ALG14: variants seen among roughly 807,000 people sequenced by gnomAD.
ALG14 encodes ALG14 UDP-N-acetylglucosaminyltransferase subunit.
In ALG14, 17 loss-of-function variants were observed where a neutral mutation model predicts 22.8. The ratio of observed to expected loss-of-function variants is 0.75; its 90% CI spans 0.51 to 1.12. The LOEUF is 1.12. Ranked by LOEUF, ALG14 falls within the 50% of genes most tolerant of loss-of-function variation. The pLI is 0.00. For missense variants in ALG14, 288 were observed against 271.8 expected (o/e 1.06, Z -0.42); for synonymous variants, 89 against 103.7 (o/e 0.86, Z 0.86).
intron 3 of ALG14, among the ~76,000 whole-genome samples, chr1:94,996,134 T>A (rs1672904215): frequency 6.6e-6 from 1 of 152,222 alleles, no homozygotes; most frequent in Non-Finnish European, 1.5e-5. Flanking sequence ...TATGCTAGTG[T>A]TTCTCACACT....
chr1:95,029,251 T>C (rs1673921587), intron 2 of ALG14, among the ~76,000 whole-genome samples: 1 of 152,198 alleles, frequency 6.6e-6, no homozygotes, highest in Admixed American at 6.5e-5. Context: ...GTGTCCTTAG[T>C]TCCTTGCCAA....
intron 3 of ALG14, among the ~76,000 whole-genome samples, chr1:95,025,790 G>C (rs911877841): frequency 6.6e-6 from 1 of 152,186 alleles, no homozygotes; most frequent in African/African-American, 2.4e-5. Context: ...CAGAATTAAA[G>C]AGAATTAGGA....
chr1:95,010,586 T>C (rs1673334967), intron 3 of ALG14, among the ~76,000 whole-genome samples: 1 of 152,226 alleles, frequency 6.6e-6, no homozygotes, highest in Admixed American at 6.5e-5. Context: ...AACCTCACTT[T>C]GGCTTAAATG....
chr1:95,066,493 G>T (rs1385150524), intron 1 of ALG14, among the ~76,000 whole-genome samples: 1 of 152,066 alleles, frequency 6.6e-6, no homozygotes, highest in Non-Finnish European at 1.5e-5. Context: ...AAAGTACTGG[G>T]ATTACAGGCG....
intron 3 of ALG14, among the ~76,000 whole-genome samples, chr1:95,001,470 A>G (rs902319183): frequency 1.3e-5 from 2 of 152,110 alleles, no homozygotes; most frequent in African/African-American, 4.8e-5. Flanking sequence ...TGATAAAGTG[A>G]ATAATTTGAT....
chr1:94,994,681 G>T (rs1480306096), intron 3 of ALG14, among the ~76,000 whole-genome samples: 3 of 152,166 alleles, frequency 2.0e-5, no homozygotes, highest in Non-Finnish European at 4.4e-5. Context: ...TTAGGCCAGG[G>T]TTCTCCTCTC....
intron 3 of ALG14, among the ~76,000 whole-genome samples, chr1:95,019,002 TG>T (rs1229826835): frequency 9.2e-5 from 14 of 152,196 alleles, no homozygotes; most frequent in African/African-American, 3.4e-4. Context: ...TAGAGAAAAG[TG>T]ATTAGCCCAC....
Position 94,975,039 on chromosome 1 carries a change from C to A in ALG14, c.*8037G>T, listed in dbSNP as rs562178910. The A allele has an allele frequency of 2.7e-3, 404 of 152,354 alleles. 3 individuals are homozygous for A. Among genetic ancestry groups the A allele is most frequent in the African/African-American group, 9.1e-3 (379 of 41,578 alleles). 9.4% of individuals were successfully genotyped at this position (152,354 alleles called of 1,614,324 possible). On this transcript the variant is annotated 3_prime_UTR_variant, in exon 4 of 4. Transcript: ENST00000370205. Reference sequence around the variant, plus strand: ...GATACCATAAAATTCACCCAGTATACAATTCAGTGGCTTTTAGTATATTCA... The same window carrying A: ...GATACCATAAAATTCACCCAGTATAAAATTCAGTGGCTTTTAGTATATTCA...
At chr1:95,039,456 A>C (rs1674313113) in intron 2 of ALG14, among the ~76,000 whole-genome samples, 1 of 152,114 alleles carries the variant, frequency 6.6e-6, no homozygotes, top group African/African-American at 2.4e-5. Flanking sequence ...AGCAGTGAGA[A>C]GGGAGATTTA....
chr1:95,047,070 C>G (rs1674586231), intron 2 of ALG14, among the ~76,000 whole-genome samples: 1 of 152,030 alleles, frequency 6.6e-6, no homozygotes, highest in Admixed American at 6.6e-5. Context: ...GGAAAGTTAT[C>G]AAGGTACAGA....
Position 94,976,178 on chromosome 1 carries a change from A to G in ALG14, c.*6898T>C, listed in dbSNP as rs1275362002. ...ATCATCTGAATGTTTAGTGCTCCCT[A>G]CAACTCTAACGCAGGTACATTATGC... On this transcript the variant is annotated 3_prime_UTR_variant, in exon 4 of 4. Transcript: ENST00000370205. The G allele has an allele frequency of 3.3e-5, 5 of 152,086 alleles. No homozygotes were observed. Among genetic ancestry groups the G allele is most frequent in the Non-Finnish European group, 5.9e-5 (4 of 68,034 alleles). The allele number at this position is 152,086 out of a possible 1,614,324, so 9.4% of individuals were successfully genotyped here. A position where few individuals can be genotyped will look rare whatever the true frequency, so the allele number is the denominator to read the frequency against.
intron 2 of ALG14, among the ~76,000 whole-genome samples, chr1:95,037,177 C>T (rs1674227926): frequency 6.6e-6 from 1 of 152,164 alleles, no homozygotes. Flanking sequence ...TTGACAATAT[C>T]GCAATTTTCC....
Position 95,056,045 on chromosome 1 carries a change from A to C in ALG14, c.288+8821T>G, listed in dbSNP as rs566237939. Among the ~76,000 whole-genome samples the C allele has an allele frequency of 1.4e-4, 22 of 151,744 alleles. No individual in the cohort carries two copies. In the East Asian group the frequency reaches 2.3e-3, roughly 16 times the overall value. Reference sequence around the variant, plus strand: ...AACAAAACAAAAACAAAAACAAAAAAAAACTTCTGAAGGATAAAGCTAAGG... The same window carrying C: ...AACAAAACAAAAACAAAAACAAAAACAAACTTCTGAAGGATAAAGCTAAGG... On this transcript the variant is annotated intron_variant, in intron 2 of 3. Coordinates refer to ENST00000370205, the MANE Select transcript of ALG14 (RefSeq NM_144988.4).
chr1:95,006,021 T>G (rs1673209106), intron 3 of ALG14, among the ~76,000 whole-genome samples: 1 of 152,204 alleles, frequency 6.6e-6, no homozygotes, highest in South Asian at 2.1e-4. Context: ...CCATGGAAAC[T>G]GAGGGAAGAC....
At position 95,027,245 on chromosome 1, in the gene ALG14, T is replaced by A. The variant is rs773910321; in HGVS notation, c.304A>T (p.Ile102Phe). 1 of 1,614,040 alleles carries A rather than the reference T, an allele frequency of 6.2e-7. No individual in the cohort carries two copies. The highest frequency in any genetic ancestry group is 1.3e-5 in the African/African-American group (1 of 74,934). The change falls in exon 3 of 4, where the codon ATT (isoleucine) becomes TTT (phenylalanine). Residue 102 changes from isoleucine to phenylalanine, a missense_variant. Physicochemically the swap from Ile to Phe is conservative, Grantham distance 21. Transcript: ENST00000370205. ...TCCCGGCTTCTTGGAATTCGGTGAA[T>A]GTAGTATTTGGTATACTAGAAGGAA... ...DPSNMYTKYY[I>F]HRIPRSREVQ...
chr1:95,012,736 T>TC (rs1673401145), intron 3 of ALG14, among the ~76,000 whole-genome samples: 1 of 152,178 alleles, frequency 6.6e-6, no homozygotes, highest in African/African-American at 2.4e-5. Context: ...AATCAGAGAC[T>TC]CTTGGAGCTG....
intron 3 of ALG14, among the ~76,000 whole-genome samples, chr1:94,990,918 G>T (rs773277316): frequency 6.6e-6 from 1 of 152,216 alleles, no homozygotes; most frequent in Middle Eastern, 3.2e-3. Flanking sequence ...CCTCTAACTT[G>T]CTCTATCGAT....
chr1:95,002,529 G>C (rs1557946992), intron 3 of ALG14, among the ~76,000 whole-genome samples: 2 of 152,298 alleles, frequency 1.3e-5, no homozygotes, highest in East Asian at 3.9e-4. Flanking sequence ...AAGAACAGGA[G>C]TAAATCACAT....
chr1:95,061,601 C>T (rs1471824897), intron 2 of ALG14: 4 of 152,208 alleles, frequency 2.6e-5, no homozygotes, highest in African/African-American at 7.2e-5. Flanking sequence ...AGGACCAACA[C>T]AGCTATAGCA....
Sources: gnomAD v4.1 joint callset for allele counts (sites outside exome capture counted in the v4.1 genomes callset) on GRCh38, gnomAD v4.1.1 for gene constraint, MANE v1.5 for transcripts, NCBI Gene and HGNC (gene_info 2026-07-23, HGNC 2026-07-21) for gene names.